FSIP2: variants seen among roughly 807,000 people sequenced by gnomAD.
The protein encoded by FSIP2 is fibrous sheath interacting protein 2, also known as fibrous sheath-interacting protein 2.
FSIP2 carries 367 observed loss-of-function variants against 510.5 expected under a neutral mutation model. The ratio of observed to expected loss-of-function variants is 0.72; its 90% CI spans 0.66 to 0.78. FSIP2 has a LOEUF of 0.78. Ranked by LOEUF, FSIP2 falls within the 30% of genes least tolerant of loss-of-function variation. The pLI is 0.00. For synonymous variants in FSIP2, 2,601 were observed against 2,732.2 expected, an observed-to-expected ratio of 0.95 and a Z score of 1.50; for missense variants, 7,594 against 7,901.7, an observed-to-expected ratio of 0.96 and a Z score of 1.48.
rs1030707889 is a variant in FSIP2, at chr2:185,793,164, A to C, written c.6028A>C (p.Asn2010His). The C allele has an allele frequency of 1.3e-6, 2 of 1,534,228 alleles. No homozygotes were observed. Among genetic ancestry groups the C allele is most frequent in the Non-Finnish European group, 1.7e-6 (2 of 1,145,568 alleles). The change falls in exon 16 of 23, where the codon AAT becomes CAT. Residue 2010 changes from asparagine (N) to histidine (H), a missense_variant. Asn to His is a moderately conservative substitution (Grantham distance 68, BLOSUM62 1). Coordinates refer to ENST00000424728, the MANE Select transcript of FSIP2 (RefSeq NM_173651.4). ...NTYALQVARR[N>H]LQGIKQELDK... ...TTATGCACTACAAGTGGCTAGAAGA[A>C]ATTTACAAGGAATCAAACAGGAATT...
At position 185,788,891 on chromosome 2, in the gene FSIP2, A is replaced by G. The variant is rs1332124832; in HGVS notation, c.1755A>G (p.Ala585=). ...AAACATTTCAGGCAGAACCCTGTGC[A>G]TTTGTAGTTGACACGTCAGTAAGGA... is the stretch of plus-strand genomic sequence containing the variant. ...TTKTFQAEPC[A]FVVDTSVRRP... is the part of the protein sequence containing the mutation. Residue 585 remains alanine (A), a synonymous_variant, in exon 16 of 23, where the codon GCA becomes GCG. Coordinates refer to ENST00000424728, the MANE Select transcript of FSIP2 (RefSeq NM_173651.4). 6.5e-7 allele frequency: 1 copy of G among 1,535,128 alleles called. No homozygotes were observed. The highest frequency in any genetic ancestry group is 1.2e-5 in the South Asian group (1 of 84,038).
chr2:185,739,288 T>C (rs1691871831), intron 1 of FSIP2, 58 bp from the exon 2 acceptor site: 9 of 1,463,242 alleles, frequency 6.2e-6, no homozygotes, highest in Non-Finnish European at 8.1e-6. Flanking sequence ...TAGATTGGTC[T>C]AAACTAAACT....
chr2:185,794,762 A>T lies in FSIP2; in HGVS notation c.7626A>T (p.Ile2542=). The change falls in exon 16 of 23, where the codon ATA becomes ATT. Residue 2542 remains isoleucine, a synonymous_variant. Transcript: ENST00000424728. ...ATATTAACAGTGTAGCAAATGACAT[A>T]GTTGAAAGTGTTTTGGGGAAAATGT... ...QSHINSVAND[I]VESVLGKMYL... is the part of the protein sequence containing the mutation. The T allele has an allele frequency of 1.3e-6, 2 of 1,534,166 alleles. No homozygotes were observed. Among genetic ancestry groups the T allele is most frequent in the South Asian group, 1.2e-5 (1 of 83,988 alleles).
rs149643086 is a variant in FSIP2 at position 185,832,656 on chromosome 2, G to A, written c.20588-434G>A. On this transcript the variant is annotated intron_variant, in intron 22 of 22. Coordinates refer to ENST00000424728, the MANE Select transcript of FSIP2 (RefSeq NM_173651.4). ...TAAAGCCTCATGCTGAATAAGAGGTGCAAAAAAAATGCAAATAGGAACTCT... is the reference window on the plus strand; with the variant it reads ...TAAAGCCTCATGCTGAATAAGAGGTACAAAAAAAATGCAAATAGGAACTCT... Among the ~76,000 whole-genome samples the A allele has an allele frequency of 6.6e-3, 1,001 of 151,596 alleles. 11 individuals carry two copies. Among genetic ancestry groups the A allele is most frequent in the African/African-American group, 0.022 (920 of 41,396 alleles).
Position 185,752,968 on chromosome 2 carries a change from G to A in FSIP2, c.871-754G>A, listed in dbSNP as rs1223052248. On this transcript the variant is annotated intron_variant, in intron 7 of 22. Coordinates refer to ENST00000424728, the MANE Select transcript of FSIP2 (RefSeq NM_173651.4). Reference sequence around the variant, plus strand: ...ATTTGGAAACAATTTGATTGTACAGGTCTTGCCTTTTATGATTTGCTGGTG... The same window carrying A: ...ATTTGGAAACAATTTGATTGTACAGATCTTGCCTTTTATGATTTGCTGGTG... Among the ~76,000 whole-genome samples, 5 of 151,340 alleles carry A rather than the reference G, an allele frequency of 3.3e-5. No individual in the cohort carries two copies. The East Asian group carries it at 9.7e-4, about 29-fold the overall frequency.
At position 185,809,067 on chromosome 2, in the gene FSIP2, A is replaced by C; in HGVS notation, c.19761A>C (p.Glu6587Asp). The change falls in exon 17 of 23, where the codon GAA (glutamate) becomes GAC (aspartate). Residue 6587 changes from glutamate (E) to aspartate (D), a missense_variant. Coordinates refer to ENST00000424728, the MANE Select transcript of FSIP2 (RefSeq NM_173651.4). ...ACTCCTTAGGATCACCTGATTTAGA[A>C]AAGAGAAAGACAGAAAGACGTACCT... ...RNYSLGSPDL[E>D]KRKTERRTSL... 6.2e-7 allele frequency: 1 copy of C among 1,605,766 alleles called. No individual in the cohort carries two copies. Among genetic ancestry groups the C allele is most frequent in the Non-Finnish European group, 8.5e-7 (1 of 1,177,482 alleles).
At chr2:185,760,164 T>C (rs1258873763) in intron 9 of FSIP2, among the ~76,000 whole-genome samples, 1 of 139,344 alleles carries the variant, frequency 7.2e-6, no homozygotes, top group Non-Finnish European at 1.6e-5. Flanking sequence ...AATATCTTAA[T>C]TAGCCAGTTT....
Position 185,804,451 on chromosome 2 carries a change from G to T in FSIP2, c.15145G>T (p.Asp5049Tyr). ...TCAAATACATAGGGTTATACAAAGT[G>T]ACACAATATGTTTTGGTAGGAAAAT... ...LIQIHRVIQS[D>Y]TICFGRKIYY... The change falls in exon 17 of 23, where the codon GAC (aspartate) becomes TAC (tyrosine). Residue 5049 changes from aspartate (D) to tyrosine (Y), a missense_variant. Physicochemically the swap from Asp to Tyr is radical, Grantham distance 160 (BLOSUM62 -3). Transcript: ENST00000424728. 1 of 1,516,538 alleles carries T rather than the reference G, an allele frequency of 6.6e-7. No individual in the cohort carries two copies. The highest frequency in any genetic ancestry group is 1.2e-5 in the South Asian group (1 of 82,006). The allele number at this position is 1,516,538 out of a possible 1,614,324, so 93.9% of individuals were successfully genotyped here.
At chr2:185,786,951 T>TTCTA (rs912284344) in intron 15 of FSIP2, among the ~76,000 whole-genome samples, 1 of 151,842 alleles carries the variant, frequency 6.6e-6, no homozygotes, top group Non-Finnish European at 1.5e-5. Flanking sequence ...AAAACTAGGA[T>TTCTA]TCTATCTATC....
At position 185,805,144 on chromosome 2, in the gene FSIP2, A is replaced by T; in HGVS notation, c.15838A>T (p.Ile5280Leu). The change falls in exon 17 of 23, where the codon ATA becomes TTA. Residue 5280 changes from isoleucine (I) to leucine (L), a missense_variant. By Grantham distance (5) the Ile-to-Leu change is conservative. Coordinates refer to ENST00000424728, the MANE Select transcript of FSIP2 (RefSeq NM_173651.4). ...CTATTCAGCTACATTTTTGGAAGAC[A>T]TAATCATTGACCTTGTTCACAAATT... ...SLYSATFLEDIIIDLVHKFCS... is the reference protein window; with the variant it reads ...SLYSATFLEDLIIDLVHKFCS... 6.2e-7 allele frequency: 1 copy of T among 1,609,946 alleles called. No individual in the cohort carries two copies. Among genetic ancestry groups the T allele is most frequent in the Non-Finnish European group, 8.5e-7 (1 of 1,177,724 alleles).
At chr2:185,819,731 T>C (rs1203641462) in intron 19 of FSIP2, among the ~76,000 whole-genome samples, 2 of 151,954 alleles carry the variant, frequency 1.3e-5, no homozygotes, top group East Asian at 1.9e-4. Flanking sequence ...TTGTGTTAGA[T>C]GATTTTGCCA....
intron 13 of FSIP2, among the ~76,000 whole-genome samples, chr2:185,779,001 A>G (rs1692785114): frequency 6.6e-6 from 1 of 151,972 alleles, no homozygotes; most frequent in South Asian, 2.1e-4. Flanking sequence ...GACCTTTACC[A>G]TAAGTTATGT....
intron 12 of FSIP2, among the ~76,000 whole-genome samples, 197 bp downstream of exon 12, chr2:185,763,486 G>C (rs1043707939): frequency 8.6e-5 from 13 of 151,558 alleles, no homozygotes; most frequent in African/African-American, 3.1e-4. Flanking sequence ...GTTAGTTCAT[G>C]GTACGTATCT....
chr2:185,738,225 A>G (rs10490389), upstream of FSIP2: 47,621 of 247,244 alleles, frequency 0.19, 5,167 homozygotes, highest in Admixed American at 0.23. Context: ...TGACTGGCCC[A>G]GAAGCGTCAA....
intron 19 of FSIP2, among the ~76,000 whole-genome samples, chr2:185,818,585 A>G (rs1190007152): frequency 6.6e-6 from 1 of 151,920 alleles, no homozygotes; most frequent in Non-Finnish European, 1.5e-5. Flanking sequence ...GTGATTCATC[A>G]TGTACAAATA....
intron 19 of FSIP2, among the ~76,000 whole-genome samples, chr2:185,818,330 T>C (rs1693859947): frequency 1.3e-5 from 2 of 151,898 alleles, no homozygotes; most frequent in South Asian, 4.2e-4. Context: ...CTAAGGGATT[T>C]TTGAAACACC....
In FSIP2 at chr2:185,801,214, G is replaced by A; in HGVS notation, c.11908G>A (p.Val3970Ile). Residue 3970 changes from valine (V) to isoleucine (I), a missense_variant, in exon 17 of 23, where the codon GTT becomes ATT. Physicochemically the swap from Val to Ile is conservative, Grantham distance 29 (BLOSUM62 3). Transcript: ENST00000424728. The part of the protein sequence containing the change: ...KLHQEGIYAG[V>I]YSATFLEGII... ...ACATCAGGAAGGTATATATGCTGGT[G>A]TTTATTCAGCCACATTTTTGGAAGG... 2.0e-6 allele frequency: 3 copies of A among 1,534,214 alleles called. No individual in the cohort carries two copies. Among genetic ancestry groups the A allele is most frequent in the South Asian group, 1.2e-5 (1 of 84,014 alleles).
At chr2:185,752,785 T>A (rs1271250558) in intron 7 of FSIP2, among the ~76,000 whole-genome samples, 2 of 151,446 alleles carry the variant, frequency 1.3e-5, no homozygotes, top group Admixed American at 1.3e-4. Flanking sequence ...TTGAGTCCAT[T>A]TCAGTTGATA....
At position 185,791,251 on chromosome 2, in the gene FSIP2, A is replaced by G. The variant is rs1298683179; in HGVS notation, c.4115A>G (p.His1372Arg). The G allele has an allele frequency of 6.5e-7, 1 of 1,533,896 alleles. No homozygotes were observed. Among genetic ancestry groups the G allele is most frequent in the South Asian group, 1.2e-5 (1 of 84,002 alleles). The change falls in exon 16 of 23, where the codon CAT (histidine) becomes CGT (arginine). Residue 1372 changes from histidine (H) to arginine (R), a missense_variant. Physicochemically the swap from His to Arg is conservative, Grantham distance 29. Coordinates refer to ENST00000424728, the MANE Select transcript of FSIP2 (RefSeq NM_173651.4). ...ATGTTGTTATCAAGTGAAAATGCACATCAAAGAAGCATTTCACTCTCTTCT... is the reference window on the plus strand; with the variant it reads ...ATGTTGTTATCAAGTGAAAATGCACGTCAAAGAAGCATTTCACTCTCTTCT... Reference protein sequence around the residue: ...YDMLLSSENAHQRSISLSSRK... With the variant: ...YDMLLSSENARQRSISLSSRK...
Sources: gnomAD v4.1 joint callset for allele counts (sites outside exome capture counted in the v4.1 genomes callset) on GRCh38, gnomAD v4.1.1 for gene constraint, MANE v1.5 for transcripts, NCBI Gene and HGNC (gene_info 2026-07-23, HGNC 2026-07-21) for gene names.